Variants in MARCHF8 observed in about 807,000 individuals in gnomAD.
MARCHF8 encodes E3 ubiquitin-protein ligase MARCHF8.
MARCHF8 carries 40 observed loss-of-function variants against 51.6 expected under a neutral mutation model. That is an observed-to-expected ratio of 0.77 (90% CI 0.60 to 1.01). The LOEUF (loss-of-function observed/expected upper bound fraction) is 1.01. Among genes scored for constraint, MARCHF8 ranks in the 50% least tolerant of loss-of-function variants. The pLI is 0.00. For synonymous variants in MARCHF8, 263 were observed against 280.3 expected, an observed-to-expected ratio of 0.94 and a Z score of 0.62; for missense variants, 685 against 708.6, an observed-to-expected ratio of 0.97 and a Z score of 0.38.
At chr10:45,554,921 G>A (rs994022923) in intron 1 of MARCHF8, among the ~76,000 whole-genome samples, 3 of 152,156 alleles carry the variant, frequency 2.0e-5, no homozygotes, top group Admixed American at 2.0e-4. Context: ...CAGGCGTAGT[G>A]GTGCGCACCT....
At chr10:45,592,092 C>A (rs1207562416) in intron 1 of MARCHF8, among the ~76,000 whole-genome samples, 2 of 152,152 alleles carry the variant, frequency 1.3e-5, no homozygotes, top group African/African-American at 4.8e-5. Context: ...CAACCTGGCT[C>A]TCCAAACACA....
At chr10:45,538,550 C>T (rs929922674), upstream of MARCHF8, among the ~76,000 whole-genome samples, 1 of 152,138 alleles carries the variant, frequency 6.6e-6, no homozygotes, top group African/African-American at 2.4e-5. Context: ...AGACCCATTA[C>T]TGTGCTGTAT....
intron 1 of MARCHF8, among the ~76,000 whole-genome samples, chr10:45,590,156 C>T (rs188382363): frequency 5.3e-5 from 8 of 152,282 alleles, no homozygotes; most frequent in East Asian, 3.9e-4. Context: ...TTAGTTACTT[C>T]GTTGGTGTAA....
At chr10:45,561,689 A>G (rs2044311866) in intron 1 of MARCHF8, among the ~76,000 whole-genome samples, 1 of 151,062 alleles carries the variant, frequency 6.6e-6, no homozygotes, top group Non-Finnish European at 1.5e-5. Flanking sequence ...TCACAAGGTC[A>G]GGAGATCGAG....
rs535529578 is a variant in MARCHF8 at position 45,590,476 on chromosome 10, A to G, written c.-79+3759T>C. 4.6e-5 allele frequency among the ~76,000 whole-genome samples: 7 copies of G among 152,342 alleles called. 1 individual carries two copies. Among genetic ancestry groups the G allele is most frequent in the African/African-American group, 1.7e-4 (7 of 41,574 alleles). ...TGCTTGTAGGACAATAAAACCGTAC[A>G]GCTACATTGGAAAGCAATTTGTATC... is the stretch of plus-strand genomic sequence containing the variant. On this transcript the variant is annotated intron_variant, in intron 1 of 6. Transcript: ENST00000319836.
intron 1 of MARCHF8, among the ~76,000 whole-genome samples, chr10:45,553,784 G>A (rs2044221726): frequency 6.6e-6 from 1 of 152,094 alleles, no homozygotes; most frequent in Non-Finnish European, 1.5e-5. Context: ...ATTCACCTAA[G>A]ACGGGATTAG....
chr10:45,483,504 T>C (rs1050319345), intron 3 of MARCHF8, among the ~76,000 whole-genome samples: 6 of 152,216 alleles, frequency 3.9e-5, no homozygotes, highest in African/African-American at 7.2e-5. Flanking sequence ...AAAAATAGTA[T>C]GGGAATTCCT....
At chr10:45,521,758 TC>T (rs2043710283) in intron 2 of MARCHF8, among the ~76,000 whole-genome samples, 1 of 152,236 alleles carries the variant, frequency 6.6e-6, no homozygotes, top group East Asian at 1.9e-4. Flanking sequence ...ATCTTTTATT[TC>T]CCAAAACTTT....
upstream of MARCHF8, among the ~76,000 whole-genome samples, chr10:45,537,235 A>T (rs1392257097): frequency 2.0e-5 from 3 of 152,250 alleles, no homozygotes; most frequent in Admixed American, 2.0e-4. Flanking sequence ...GAAATAACCT[A>T]AACGTCCATC....
intron 1 of MARCHF8, among the ~76,000 whole-genome samples, chr10:45,564,227 T>C (rs1241372748): frequency 1.3e-5 from 2 of 152,200 alleles, no homozygotes; most frequent in African/African-American, 4.8e-5. Flanking sequence ...AGTGAGCAGA[T>C]TGTGCCACTG....
intron 2 of MARCHF8, among the ~76,000 whole-genome samples, chr10:45,519,859 T>C (rs1475231168): frequency 6.6e-6 from 1 of 152,166 alleles, no homozygotes; most frequent in African/African-American, 2.4e-5. Flanking sequence ...TAAAACTTAT[T>C]GATGAGTGGC....
chr10:45,557,396 T>A (rs1000930790), intron 1 of MARCHF8, among the ~76,000 whole-genome samples: 1 of 152,126 alleles, frequency 6.6e-6, no homozygotes, highest in Non-Finnish European at 1.5e-5. Context: ...CCCAATGTGC[T>A]GGGATTACAG....
At chr10:45,525,030 A>G (rs1336506858) in intron 2 of MARCHF8, among the ~76,000 whole-genome samples, 1 of 152,258 alleles carries the variant, frequency 6.6e-6, no homozygotes, top group African/African-American at 2.4e-5. Context: ...AAAAGGGAAG[A>G]ATTTATCTAA....
chr10:45,471,695 G>A (rs1358630946), intron 3 of MARCHF8, among the ~76,000 whole-genome samples: 2 of 152,170 alleles, frequency 1.3e-5, no homozygotes, highest in South Asian at 2.1e-4. Context: ...CTGTGTTCTG[G>A]GGCCAGTCCA....
At chr10:45,566,680 A>G (rs980559472) in intron 1 of MARCHF8, among the ~76,000 whole-genome samples, 3 of 147,706 alleles carry the variant, frequency 2.0e-5, no homozygotes, top group East Asian at 2.0e-4. Flanking sequence ...GCTGATGAAC[A>G]CTTAGGTTGC....
At chr10:45,564,530 G>A (rs1564517848) in intron 1 of MARCHF8, among the ~76,000 whole-genome samples, 1 of 152,118 alleles carries the variant, frequency 6.6e-6, no homozygotes, top group Non-Finnish European at 1.5e-5. Flanking sequence ...CAGAAATGCA[G>A]GTGGAGGGGA....
At chr10:45,519,407 TTTGGG>T in intron 2 of MARCHF8, among the ~76,000 whole-genome samples, 1 of 151,354 alleles carries the variant, frequency 6.6e-6, no homozygotes, top group East Asian at 1.9e-4. Flanking sequence ...TAAGGGAAGG[TTTGGG>T]AAGTCAGTAA....
intron 2 of MARCHF8, among the ~76,000 whole-genome samples, chr10:45,492,533 G>A (rs1345673977): frequency 1.3e-5 from 2 of 152,090 alleles, no homozygotes; most frequent in East Asian, 1.9e-4. Context: ...TCCTGACCTC[G>A]TGATCTGCCC....
At chr10:45,586,814 T>G (rs1237819649) in intron 1 of MARCHF8, among the ~76,000 whole-genome samples, 1 of 152,122 alleles carries the variant, frequency 6.6e-6, no homozygotes, top group African/African-American at 2.4e-5. Context: ...TTCTCTAGCT[T>G]CTTCTTAATT....
Sources: gnomAD v4.1 joint callset for allele counts (sites outside exome capture counted in the v4.1 genomes callset) on GRCh38, gnomAD v4.1.1 for gene constraint, MANE v1.5 for transcripts, NCBI Gene and HGNC (gene_info 2026-07-23, HGNC 2026-07-21) for gene names.